The following CELF4 variants were observed in gnomAD, a reference collection of about 807,000 sequenced individuals.
CELF4 encodes the protein CUG-BP- and ETR-3-like factor 4.
A neutral mutation model predicts 59.9 loss-of-function variants in CELF4; 18 were observed. The ratio of observed to expected loss-of-function variants is 0.30; its 90% CI spans 0.21 to 0.45. CELF4 has a LOEUF of 0.45. Ranked by LOEUF, CELF4 falls within the 20% of genes least tolerant of loss-of-function variation. The pLI is 1.00. For missense variants in CELF4, 456 were observed against 689.0 expected (o/e 0.66, Z 3.79); for synonymous variants, 261 against 267.1 (o/e 0.98, Z 0.22).
At position 37,280,585 on chromosome 18, in the gene CELF4, A is replaced by G. The variant is rs990454582; in HGVS notation, c.449-5342T>C. On this transcript the variant is annotated intron_variant, in intron 3 of 12. Coordinates refer to ENST00000420428, the MANE Select transcript of CELF4 (RefSeq NM_020180.4). ...AGAAGTGGGAGGAGAAACTAGCTAC[A>G]CCCTGATGGCTTCCAGGAGGAGGTG... Among the ~76,000 whole-genome samples the G allele has an allele frequency of 2.0e-5, 3 of 152,264 alleles. No homozygotes were observed. The East Asian group carries it at 5.8e-4, about 29-fold the overall frequency.
chr18:37,474,990 A>G (rs1403370446), intron 2 of CELF4, among the ~76,000 whole-genome samples: 2 of 152,200 alleles, frequency 1.3e-5, no homozygotes, highest in African/African-American at 4.8e-5. Context: ...GCCTGGTGGA[A>G]ATTGGTGCAT....
At chr18:37,391,246 G>T (rs145274183) in intron 2 of CELF4, among the ~76,000 whole-genome samples, 157 of 152,304 alleles carry the variant, frequency 1.0e-3, no homozygotes, top group African/African-American at 3.6e-3. Flanking sequence ...GGGGCAGAGG[G>T]TCAGGGACCC....
chr18:37,379,115 G>C (rs2099005917), intron 2 of CELF4, among the ~76,000 whole-genome samples: 1 of 152,132 alleles, frequency 6.6e-6, no homozygotes. Context: ...AAGGTGTCTG[G>C]GGCCTCATCC....
intron 2 of CELF4, among the ~76,000 whole-genome samples, chr18:37,336,937 C>T (rs1176578687): frequency 2.0e-5 from 3 of 152,000 alleles, no homozygotes; most frequent in South Asian, 4.2e-4. Context: ...GACCCGGACC[C>T]GAGGCTTCGG....
chr18:37,514,567 T>C (rs1297946259), intron 1 of CELF4, among the ~76,000 whole-genome samples: 1 of 152,026 alleles, frequency 6.6e-6, no homozygotes, highest in Non-Finnish European at 1.5e-5. Flanking sequence ...ACACGAGGAA[T>C]TGGAGGAGAC....
At chr18:37,277,625 C>G (rs891670012) in intron 3 of CELF4, among the ~76,000 whole-genome samples, 1 of 152,080 alleles carries the variant, frequency 6.6e-6, no homozygotes, top group East Asian at 1.9e-4. Flanking sequence ...ATGGCAGAGA[C>G]AGAGGAAAGA....
At chr18:37,455,981 C>G (rs1189475317) in intron 2 of CELF4, among the ~76,000 whole-genome samples, 1 of 152,212 alleles carries the variant, frequency 6.6e-6, no homozygotes, top group African/African-American at 2.4e-5. Flanking sequence ...TCTCTAGCAG[C>G]ATGAAATGCA....
chr18:37,367,803 C>T (rs1379023404), intron 2 of CELF4, among the ~76,000 whole-genome samples: 8 of 152,180 alleles, frequency 5.3e-5, no homozygotes, highest in Admixed American at 2.6e-4. Flanking sequence ...CTGTCAGCTC[C>T]GTGGCGCCGG....
At chr18:37,359,684 G>A (rs2098668911) in intron 2 of CELF4, among the ~76,000 whole-genome samples, 1 of 152,178 alleles carries the variant, frequency 6.6e-6, no homozygotes, top group South Asian at 2.1e-4. Context: ...AAGTAGCTGG[G>A]ACTACAGGCA....
chr18:37,530,742 C>T (rs6507203), intron 1 of CELF4, among the ~76,000 whole-genome samples: 144,778 of 152,134 alleles, frequency 0.95, 69,302 homozygotes, highest in East Asian at 1. Flanking sequence ...TAGGAGATAA[C>T]GCCCGTGCGG....
intron 2 of CELF4, among the ~76,000 whole-genome samples, chr18:37,370,106 CAG>C (rs1289918419): frequency 1.3e-5 from 2 of 152,222 alleles, no homozygotes; most frequent in African/African-American, 4.8e-5. Flanking sequence ...GGGACAGGGA[CAG>C]AGAAATCCAG....
intron 2 of CELF4, among the ~76,000 whole-genome samples, chr18:37,342,199 T>C (rs995979079): frequency 6.6e-6 from 1 of 150,580 alleles, no homozygotes; most frequent in African/African-American, 2.5e-5. Context: ...TGTATCCACA[T>C]AGGAATTCAG....
chr18:37,275,382 G>C, intron 3 of CELF4, 139 bp from the exon 4 acceptor site: 1 of 656,496 alleles, frequency 1.5e-6, no homozygotes, highest in Non-Finnish European at 2.4e-6. Flanking sequence ...CGGGGGAGAG[G>C]TGCGGGGGAG....
chr18:37,351,829 G>A (rs1028834657), intron 2 of CELF4, among the ~76,000 whole-genome samples: 6 of 151,940 alleles, frequency 3.9e-5, no homozygotes, highest in Non-Finnish European at 8.8e-5. Context: ...AGCGAGGCTG[G>A]TCTCATACTC....
intron 3 of CELF4, among the ~76,000 whole-genome samples, chr18:37,308,072 T>C (rs747704318): frequency 6.6e-6 from 1 of 152,072 alleles, no homozygotes; most frequent in Non-Finnish European, 1.5e-5. Context: ...GACGGGCTCC[T>C]GAACCTACAG....
intron 2 of CELF4, among the ~76,000 whole-genome samples, chr18:37,438,694 T>C (rs1175684246): frequency 1.3e-5 from 2 of 152,186 alleles, no homozygotes; most frequent in East Asian, 1.9e-4. Context: ...TGGCTGTGGT[T>C]TCTTCACACC....
At chr18:37,382,796 A>G (rs534343363) in intron 2 of CELF4, among the ~76,000 whole-genome samples, 2 of 152,272 alleles carry the variant, frequency 1.3e-5, no homozygotes, top group South Asian at 4.2e-4. Context: ...GCTCATAGAA[A>G]GCCCACTCTA....
At chr18:37,516,869 T>C (rs536606313) in intron 1 of CELF4, among the ~76,000 whole-genome samples, 1 of 152,336 alleles carries the variant, frequency 6.6e-6, no homozygotes, top group Non-Finnish European at 1.5e-5. Flanking sequence ...GGCACGTGGC[T>C]GGGATCTCCT....
intron 3 of CELF4, among the ~76,000 whole-genome samples, chr18:37,302,173 G>A (rs922262682): frequency 6.6e-6 from 1 of 152,132 alleles, no homozygotes; most frequent in African/African-American, 2.4e-5. Context: ...AATGCCCACC[G>A]GCCACCCCTT....
Sources: gnomAD v4.1 joint callset for allele counts (sites outside exome capture counted in the v4.1 genomes callset) on GRCh38, gnomAD v4.1.1 for gene constraint, MANE v1.5 for transcripts, NCBI Gene and HGNC (gene_info 2026-07-23, HGNC 2026-07-21) for gene names.